The following TACC2 variants were observed in gnomAD, a reference collection of about 807,000 sequenced individuals.
TACC2 encodes transforming acidic coiled-coil containing protein 2, also known as transforming acidic coiled-coil-containing protein 2.
A neutral mutation model predicts 227.3 loss-of-function variants in TACC2; 137 were observed. That is an observed-to-expected ratio of 0.60 (90% confidence interval 0.52 to 0.69). The LOEUF is 0.69. TACC2 is among the 30% of genes least tolerant of loss of function. The pLI is 0.00. For missense variants in TACC2, 3,470 were observed against 3,694.4 expected, an observed-to-expected ratio of 0.94 and a Z score of 1.57; for synonymous variants, 1,523 against 1,487.5, an observed-to-expected ratio of 1.02 and a Z score of -0.55.
At chr10:121,991,066 A>G (rs1953009244) in intron 1 of TACC2, among the ~76,000 whole-genome samples, 2 of 152,196 alleles carry the variant, frequency 1.3e-5, no homozygotes, top group South Asian at 2.1e-4. Flanking sequence ...AATTACAGGT[A>G]TGAGCCACTA....
intron 3 of TACC2, among the ~76,000 whole-genome samples, chr10:122,055,079 G>T (rs2076084927): frequency 6.6e-6 from 1 of 152,134 alleles, no homozygotes; most frequent in African/African-American, 2.4e-5. Flanking sequence ...ATTTAGCTGG[G>T]TGTAGCGGCA....
Position 122,194,836 on chromosome 10 carries a change from C to G in TACC2, c.5835-204C>G, listed in dbSNP as rs189235771. On this transcript the variant is annotated intron_variant, in intron 7 of 22. Coordinates refer to ENST00000369005, the MANE Select transcript of TACC2 (RefSeq NM_206862.4). The surrounding 1 kb of genome is among the most constrained non-coding windows in gnomAD (Gnocchi z 4.4). ...CCAGTAGAGCCGAGTTCAAAGAATA[C>G]ATCATTTGTGTGCAATCAGAGCCAG... 6.6e-6 allele frequency among the ~76,000 whole-genome samples: 1 copy of G among 152,170 alleles called. No homozygotes were observed. The highest frequency in any genetic ancestry group is 1.5e-5 in the Non-Finnish European group (1 of 68,030).
intron 1 of TACC2, among the ~76,000 whole-genome samples, chr10:122,011,969 A>C (rs1353096495): frequency 3.3e-5 from 5 of 151,740 alleles, no homozygotes; most frequent in Non-Finnish European, 5.9e-5. Context: ...ATGGAGTCTC[A>C]CTTTGTCACC....
At chr10:122,164,091 AGCCCAGGCTGGCCTGGG>A in intron 7 of TACC2, 1 of 1,426,458 alleles carries the variant, frequency 7.0e-7, no homozygotes, top group South Asian at 1.3e-5. Flanking sequence ...TGCAACCTGG[AGCCCAGGCTGGCCTGGG>A]GTTCTTCGCA....
At chr10:122,248,260 T>C (rs76708625) in intron 19 of TACC2, 3,158 of 199,782 alleles carry the variant, frequency 0.016, 104 homozygotes, top group African/African-American at 0.066. Context: ...CCTTTAATCG[T>C]CCCAACGCAA....
chr10:122,033,078 T>C, intron 2 of TACC2: 1 of 1,288,124 alleles, frequency 7.8e-7, no homozygotes. Flanking sequence ...AACGGTGAGA[T>C]CCCTTTGCAT....
At chr10:122,080,853 T>C (rs1446981396) in intron 3 of TACC2, among the ~76,000 whole-genome samples, 1 of 152,194 alleles carries the variant, frequency 6.6e-6, no homozygotes, top group South Asian at 2.1e-4. Flanking sequence ...TCCAGAACGC[T>C]GTGGGCTTAT....
rs1292998677 is a variant in TACC2, at chr10:122,194,068, C to T, written c.5835-972C>T. Among the ~76,000 whole-genome samples, 1 of 152,176 alleles carries T rather than the reference C, an allele frequency of 6.6e-6. No homozygotes were observed. The highest frequency in any genetic ancestry group is 2.4e-5 in the African/African-American group (1 of 41,446). On this transcript the variant is annotated intron_variant, in intron 7 of 22. Coordinates refer to ENST00000369005, the MANE Select transcript of TACC2 (RefSeq NM_206862.4). This position sits in a 1 kb window ranked among gnomAD's most constrained non-coding sequence, Gnocchi z 4.4. ...TAGTAGCTGAGACCATAGGCACATG[C>T]CACCAAGCCTGGGTAATTTTTTATT...
At chr10:122,178,029 C>A (rs1173513848) in intron 7 of TACC2, among the ~76,000 whole-genome samples, 1 of 152,132 alleles carries the variant, frequency 6.6e-6, no homozygotes, top group Admixed American at 6.5e-5. Flanking sequence ...TGGGCTGCTA[C>A]AACAAAATCC....
Position 122,132,505 on chromosome 10 carries a change from C to T in TACC2, c.5574-104C>T, listed in dbSNP as rs137864512. 4.2e-4 allele frequency: 576 copies of T among 1,374,520 alleles called. 9 individuals are homozygous for T. In the East Asian group the frequency reaches 0.013, roughly 31 times the overall value. 85.1% of individuals were successfully genotyped at this position (1,374,520 alleles called of 1,614,324 possible). ...CAGAGTTTGCAGTGAGCGGAGATCG[C>T]GCCATTGCCCTCCAGCCTGGATAAG... On this transcript the variant is annotated intron_variant, in intron 5 of 22. Coordinates refer to ENST00000369005, the MANE Select transcript of TACC2 (RefSeq NM_206862.4).
intron 14 of TACC2, among the ~76,000 whole-genome samples, chr10:122,228,629 C>A (rs1015167656): frequency 1.3e-5 from 2 of 152,142 alleles, no homozygotes; most frequent in African/African-American, 4.8e-5. Context: ...CCTCTACCTC[C>A]CGCCCAGCAA....
chr10:122,008,264 A>ATTATTATTATTATTATTATTATTTT, intron 1 of TACC2, among the ~76,000 whole-genome samples: 1 of 134,664 alleles, frequency 7.4e-6, no homozygotes, highest in East Asian at 2.1e-4. Context: ...TATTATTATT[A>ATTATTATTATTATTATTATTATTTT]TTTTTTTTTT....
chr10:122,061,571 C>T (rs1307256220), intron 3 of TACC2, among the ~76,000 whole-genome samples: 1 of 152,282 alleles, frequency 6.6e-6, no homozygotes. Flanking sequence ...GTTCTCCTTT[C>T]TGCTTCAGGG....
intron 1 of TACC2, among the ~76,000 whole-genome samples, chr10:121,992,768 A>C (rs1043054496): frequency 6.6e-6 from 1 of 152,120 alleles, no homozygotes; most frequent in Non-Finnish European, 1.5e-5. Flanking sequence ...CAGCCTGGGC[A>C]ACACGGCGAA....
chr10:122,192,549 G>T, intron 7 of TACC2: 1 of 389,656 alleles, frequency 2.6e-6, no homozygotes, highest in Non-Finnish European at 5.3e-6. Flanking sequence ...CGCTGGAGAA[G>T]CTCACAGCAT....
intron 6 of TACC2, among the ~76,000 whole-genome samples, chr10:122,133,888 A>G (rs945109255): frequency 6.6e-6 from 1 of 152,210 alleles, no homozygotes; most frequent in African/African-American, 2.4e-5. Context: ...CCAAGATGGC[A>G]TTGGGCAGGC....
At chr10:122,096,325 C>A (rs959052396) in intron 5 of TACC2, among the ~76,000 whole-genome samples, 10 of 152,316 alleles carry the variant, frequency 6.6e-5, no homozygotes, top group African/African-American at 2.4e-4. Context: ...TGGATGGCCC[C>A]ATGAACTGGC....
intron 7 of TACC2, chr10:122,192,850 G>C (rs1173808645): frequency 1.4e-5 from 6 of 437,046 alleles, no homozygotes; most frequent in African/African-American, 1.2e-4. Flanking sequence ...TGCAGTGCTG[G>C]GGGCCTGGTG....
At chr10:122,140,758 G>C (rs529163114) in intron 6 of TACC2, among the ~76,000 whole-genome samples, 1 of 152,350 alleles carries the variant, frequency 6.6e-6, no homozygotes, top group East Asian at 1.9e-4. Flanking sequence ...GCTGACTGGG[G>C]TTGTTGGTGA....
Sources: allele counts gnomAD v4.1 joint callset (sites outside exome capture counted in the v4.1 genomes callset), GRCh38; gene constraint gnomAD v4.1.1; non-coding constraint Gnocchi (gnomAD v3.1); transcripts MANE v1.5; gene names NCBI Gene and HGNC (gene_info 2026-07-23, HGNC 2026-07-21).